ASIC2: variants seen among roughly 807,000 people sequenced by gnomAD.
The protein encoded by ASIC2 is acid sensing ion channel subunit 2.
A neutral mutation model predicts 57.3 loss-of-function variants in ASIC2; 25 were observed. That is an observed-to-expected ratio of 0.44 (90% confidence interval 0.32 to 0.61). ASIC2 has a LOEUF of 0.61. ASIC2 is among the 20% of genes least tolerant of loss of function. The pLI, the probability that ASIC2 is intolerant of heterozygous loss-of-function variation, is 0.06. For missense variants in ASIC2, 641 were observed against 738.1 expected (o/e 0.87, Z 1.52); for synonymous variants, 319 against 307.5 (o/e 1.04, Z -0.39).
At chr17:33,639,154 G>A (rs1023054000) in intron 1 of ASIC2, among the ~76,000 whole-genome samples, 4 of 151,910 alleles carry the variant, frequency 2.6e-5, no homozygotes, top group African/African-American at 7.3e-5. Flanking sequence ...TGATGGGCAG[G>A]TGCAGAATGC....
intron 1 of ASIC2, chr17:33,794,717 C>T (rs1029202128): frequency 1.3e-5 from 2 of 152,122 alleles, no homozygotes; most frequent in African/African-American, 2.4e-5. Flanking sequence ...TCCACAGAGA[C>T]AAACAAGCCT....
intron 1 of ASIC2, among the ~76,000 whole-genome samples, chr17:33,838,456 T>C (rs1913336043): frequency 6.6e-6 from 1 of 152,200 alleles, no homozygotes; most frequent in Non-Finnish European, 1.5e-5. Context: ...CCTTAAGACT[T>C]GATCAACTAT....
rs774535757 is a variant in ASIC2, at chr17:34,156,487, T to G, written c.46A>C (p.Ser16Arg). ...GAGGTGTTGGCAAAGATCTGGATGC[T>G]AGAAGGTTGCAGGCTGCCCTCACTG... Residue 16 changes from serine to arginine, a missense_variant, in exon 1 of 10, where the codon AGC (serine) becomes CGC (arginine). Physicochemically the swap from Ser to Arg is moderately radical, Grantham distance 110. Transcript: ENST00000359872. This position sits in a 1 kb window ranked among gnomAD's most constrained non-coding sequence, Gnocchi z 4.4. 4 of 1,612,506 alleles carry G rather than the reference T, an allele frequency of 2.5e-6. No individual in the cohort carries two copies. The highest frequency in any genetic ancestry group is 1.7e-4 in the Middle Eastern group (1 of 6,052).
At chr17:34,097,209 T>G (rs531298602) in intron 1 of ASIC2, among the ~76,000 whole-genome samples, 1 of 152,286 alleles carries the variant, frequency 6.6e-6, no homozygotes, top group Admixed American at 6.5e-5. Flanking sequence ...ATAAGGATGC[T>G]TTTACCTCTT....
intron 1 of ASIC2, among the ~76,000 whole-genome samples, chr17:34,062,971 A>G (rs543301581): frequency 5.8e-4 from 88 of 152,296 alleles, no homozygotes; most frequent in African/African-American, 2.1e-3. Flanking sequence ...TCCTTTTGAC[A>G]CTATTCCACC....
At chr17:33,123,355 T>C (rs1280172037) in intron 1 of ASIC2, among the ~76,000 whole-genome samples, 1 of 152,158 alleles carries the variant, frequency 6.6e-6, no homozygotes, top group East Asian at 1.9e-4. Context: ...TAGATAAATC[T>C]AGATAAATAA....
rs1916437009 is a variant in ASIC2 at position 33,571,421 on chromosome 17, C to T, written c.556-459354G>A. Among the ~76,000 whole-genome samples the T allele has an allele frequency of 2.0e-5, 3 of 152,176 alleles. No homozygotes were observed. In the South Asian group the frequency reaches 6.2e-4, roughly 32 times the overall value. On this transcript the variant is annotated intron_variant, in intron 1 of 9. Transcript: ENST00000359872. Reference sequence around the variant, plus strand: ...TTTTGTTCACTGATTAATCACAGTACCCAGAGGTATACTTAGCGCAGAGTA... The same window carrying T: ...TTTTGTTCACTGATTAATCACAGTATCCAGAGGTATACTTAGCGCAGAGTA...
At chr17:33,663,615 G>T (rs568838869) in intron 1 of ASIC2, among the ~76,000 whole-genome samples, 16 of 152,110 alleles carry the variant, frequency 1.1e-4, no homozygotes, top group Non-Finnish European at 1.8e-4. Flanking sequence ...CTCGAGGTTC[G>T]TGGCAGGGCT....
At chr17:33,306,276 G>T (rs1906169382) in intron 1 of ASIC2, among the ~76,000 whole-genome samples, 1 of 152,176 alleles carries the variant, frequency 6.6e-6, no homozygotes, top group Non-Finnish European at 1.5e-5. Context: ...GACTTACAGA[G>T]GATGTCAGAA....
At chr17:34,060,127 G>A (rs1206424803) in intron 1 of ASIC2, among the ~76,000 whole-genome samples, 1 of 152,156 alleles carries the variant, frequency 6.6e-6, no homozygotes, top group East Asian at 1.9e-4. Flanking sequence ...ACAGGTGCTG[G>A]TATCCACAGT....
chr17:33,964,795 C>T (rs1326869309), intron 1 of ASIC2, among the ~76,000 whole-genome samples: 1 of 152,216 alleles, frequency 6.6e-6, no homozygotes, highest in Non-Finnish European at 1.5e-5. Context: ...AAGGCAGCCG[C>T]CTGCGGTGGT....
intron 1 of ASIC2, among the ~76,000 whole-genome samples, chr17:33,396,145 T>C (rs1405790120): frequency 6.6e-6 from 1 of 152,190 alleles, no homozygotes. Context: ...TTTAGTCTCA[T>C]TCCCTCATTT....
chr17:33,100,716 C>T (rs924426536), intron 2 of ASIC2, among the ~76,000 whole-genome samples: 1 of 152,192 alleles, frequency 6.6e-6, no homozygotes, highest in Non-Finnish European at 1.5e-5. Context: ...CTGGACTGGG[C>T]CCTTCATCTG....
intron 1 of ASIC2, among the ~76,000 whole-genome samples, chr17:34,115,152 T>C (rs1025700390): frequency 1.3e-5 from 2 of 152,194 alleles, no homozygotes; most frequent in African/African-American, 4.8e-5. Flanking sequence ...ACTACTTGCT[T>C]AGTCACCCCA....
chr17:33,582,512 G>A (rs1403083528), intron 1 of ASIC2, among the ~76,000 whole-genome samples: 3 of 152,100 alleles, frequency 2.0e-5, no homozygotes, highest in African/African-American at 7.2e-5. Flanking sequence ...TGACCCTTGG[G>A]CAAGTTACCT....
chr17:33,588,723 C>T (rs1904725928), intron 1 of ASIC2, among the ~76,000 whole-genome samples: 1 of 152,176 alleles, frequency 6.6e-6, no homozygotes, highest in Non-Finnish European at 1.5e-5. Context: ...AAGGTGTTAC[C>T]TTATACAAGG....
At chr17:33,515,488 A>G (rs1318136657) in intron 1 of ASIC2, among the ~76,000 whole-genome samples, 2 of 152,178 alleles carry the variant, frequency 1.3e-5, no homozygotes, top group African/African-American at 4.8e-5. Flanking sequence ...TTCTCTGTAA[A>G]ATGGAGATGA....
At chr17:33,781,940 C>A (rs909355254) in intron 1 of ASIC2, among the ~76,000 whole-genome samples, 1 of 152,182 alleles carries the variant, frequency 6.6e-6, no homozygotes, top group African/African-American at 2.4e-5. Flanking sequence ...GCTCAAGCCA[C>A]CGGTGGCTCT....
chr17:33,644,116 T>G (rs973999910), intron 1 of ASIC2, among the ~76,000 whole-genome samples: 4 of 152,212 alleles, frequency 2.6e-5, no homozygotes, highest in African/African-American at 9.6e-5. Flanking sequence ...CAGGTTCTCT[T>G]GCTTCTCGTT....
Sources: allele counts gnomAD v4.1 joint callset (sites outside exome capture counted in the v4.1 genomes callset), GRCh38; gene constraint gnomAD v4.1.1; non-coding constraint Gnocchi (gnomAD v3.1); transcripts MANE v1.5; gene names NCBI Gene and HGNC (gene_info 2026-07-23, HGNC 2026-07-21).